LPP: variants seen among roughly 807,000 people sequenced by gnomAD.
LPP encodes the protein LIM domain containing preferred translocation partner in lipoma.
A neutral mutation model predicts 60.4 loss-of-function variants in LPP; 38 were observed. The ratio of observed to expected loss-of-function variants is 0.63; its 90% CI spans 0.49 to 0.83. The LOEUF (loss-of-function observed/expected upper bound fraction) is 0.83. LPP is among the 40% of genes least tolerant of loss of function. The pLI is 0.00. For missense variants in LPP, 902 were observed against 783.6 expected, an observed-to-expected ratio of 1.15 and a Z score of -1.80; for synonymous variants, 328 against 290.8, an observed-to-expected ratio of 1.13 and a Z score of -1.30.
intron 7 of LPP, among the ~76,000 whole-genome samples, chr3:188,706,247 T>G (rs914214451): frequency 1.3e-5 from 2 of 152,168 alleles, no homozygotes; most frequent in Admixed American, 6.5e-5. Flanking sequence ...CCCTGATTTT[T>G]GGGGGGCTCT....
At chr3:188,694,384 C>T (rs538024087) in intron 7 of LPP, among the ~76,000 whole-genome samples, 1 of 152,086 alleles carries the variant, frequency 6.6e-6, no homozygotes, top group Admixed American at 6.6e-5. Context: ...TTTGATGAGT[C>T]AAGTGAATGA....
chr3:188,261,217 T>C (rs1026115704), intron 2 of LPP, among the ~76,000 whole-genome samples: 1 of 152,230 alleles, frequency 6.6e-6, no homozygotes, highest in Non-Finnish European at 1.5e-5. Flanking sequence ...AGCACGATTA[T>C]GGCTCACTGT....
chr3:188,413,226 A>G (rs1288814681), intron 4 of LPP, among the ~76,000 whole-genome samples: 1 of 152,150 alleles, frequency 6.6e-6, no homozygotes, highest in Non-Finnish European at 1.5e-5. Context: ...TTTGCTGCGA[A>G]CGTATGGTCC....
chr3:188,488,473 C>T (rs148566969), intron 5 of LPP, among the ~76,000 whole-genome samples: 5 of 152,206 alleles, frequency 3.3e-5, no homozygotes, highest in African/African-American at 1.2e-4. Context: ...GACACTTCAG[C>T]AATCACTTTA....
At chr3:188,436,048 T>G (rs1792216149) in intron 4 of LPP, among the ~76,000 whole-genome samples, 1 of 152,244 alleles carries the variant, frequency 6.6e-6, no homozygotes. Context: ...AATGCAATTT[T>G]TCATTATAAT....
intron 2 of LPP, among the ~76,000 whole-genome samples, chr3:188,324,149 A>G (rs1757723608): frequency 6.6e-6 from 1 of 152,212 alleles, no homozygotes; most frequent in Non-Finnish European, 1.5e-5. Flanking sequence ...CTAGATAGAT[A>G]GAAACCATGT....
intron 1 of LPP, among the ~76,000 whole-genome samples, chr3:188,162,761 T>C (rs1718681921): frequency 6.6e-6 from 1 of 152,154 alleles, no homozygotes; most frequent in Admixed American, 6.5e-5. Context: ...GGTAATGCAG[T>C]CTGTACATGT....
At chr3:188,705,413 C>G (rs1290160812) in intron 7 of LPP, among the ~76,000 whole-genome samples, 1 of 151,984 alleles carries the variant, frequency 6.6e-6, no homozygotes, top group African/African-American at 2.4e-5. Context: ...GTCCTTGTTC[C>G]TCCTCTCAAA....
chr3:188,482,634 A>G (rs1030871448), intron 4 of LPP, among the ~76,000 whole-genome samples: 2 of 152,120 alleles, frequency 1.3e-5, no homozygotes, highest in Non-Finnish European at 2.9e-5. Context: ...GGACATCAGC[A>G]TTTTCGAATG....
rs763159192 is a variant in LPP, at chr3:188,597,753, T to C, written c.430-11408T>C. ...TGTTTCATTTGATTAAACACTTCTC[T>C]CTTGTATGGAATTTGCCAATAATAC... On this transcript the variant is annotated intron_variant, in intron 6 of 11. Transcript: ENST00000617246. 4.4e-4 allele frequency among the ~76,000 whole-genome samples: 67 copies of C among 152,122 alleles called. 1 individual carries two copies. Among genetic ancestry groups the C allele is most frequent in the Non-Finnish European group, 8.4e-4 (57 of 68,022 alleles).
chr3:188,355,001 T>A (rs1177875161), intron 3 of LPP, among the ~76,000 whole-genome samples: 1 of 152,036 alleles, frequency 6.6e-6, no homozygotes, highest in Non-Finnish European at 1.5e-5. Flanking sequence ...ATATATATAT[T>A]TTTGTTTGTT....
chr3:188,682,540 T>C (rs762262719), intron 7 of LPP, among the ~76,000 whole-genome samples: 2 of 152,162 alleles, frequency 1.3e-5, no homozygotes, highest in African/African-American at 2.4e-5. Flanking sequence ...GGCACCAGCA[T>C]TTGTTATGGT....
intron 9 of LPP, among the ~76,000 whole-genome samples, chr3:188,802,892 C>T (rs990700073): frequency 2.6e-5 from 4 of 152,012 alleles, no homozygotes; most frequent in African/African-American, 9.7e-5. Context: ...TTATAATCCC[C>T]ACCCTAAAAA....
chr3:188,582,850 A>G (rs1048216338), intron 6 of LPP, among the ~76,000 whole-genome samples: 2 of 152,128 alleles, frequency 1.3e-5, no homozygotes, highest in African/African-American at 4.8e-5. Context: ...TTCCCTTATT[A>G]TCAATTTTAC....
intron 8 of LPP, among the ~76,000 whole-genome samples, chr3:188,725,995 G>C (rs1226405438): frequency 1.3e-5 from 2 of 152,136 alleles, no homozygotes; most frequent in Admixed American, 6.6e-5. Flanking sequence ...AAGGAGAAAT[G>C]AGACTAAATG....
At chr3:188,179,495 G>A (rs13096994) in intron 1 of LPP, 73,044 of 457,720 alleles carry the variant, frequency 0.16, 9,204 homozygotes, top group East Asian at 0.45. Context: ...TCTGCGACAC[G>A]CTTGTTTGCC....
chr3:188,734,483 T>C (rs184960832), intron 8 of LPP, among the ~76,000 whole-genome samples: 29 of 152,328 alleles, frequency 1.9e-4, no homozygotes, highest in African/African-American at 6.0e-4. Flanking sequence ...CAGAGTAGCA[T>C]TGGGGTTCCT....
chr3:188,188,816 A>G (rs1043142709), intron 1 of LPP, among the ~76,000 whole-genome samples: 1 of 152,184 alleles, frequency 6.6e-6, no homozygotes, highest in Non-Finnish European at 1.5e-5. Flanking sequence ...TCATCAGGCT[A>G]GCAACATTTA....
chr3:188,644,545 A>G lies in LPP; in HGVS notation c.1113+34701A>G, dbSNP rs992378269. On this transcript the variant is annotated intron_variant, in intron 7 of 11. Transcript: ENST00000617246. Reference sequence around the variant, plus strand: ...AGTATAACAAAAAAGTATATTTTCAATATTGCTGATATGTAATCTAAGAAT... The same window carrying G: ...AGTATAACAAAAAAGTATATTTTCAGTATTGCTGATATGTAATCTAAGAAT... Among the ~76,000 whole-genome samples the G allele has an allele frequency of 1.1e-4, 17 of 152,276 alleles. 1 individual carries two copies. In the East Asian group the frequency reaches 2.9e-3, roughly 26 times the overall value.
Sources: gnomAD v4.1 joint callset for allele counts (sites outside exome capture counted in the v4.1 genomes callset) on GRCh38, gnomAD v4.1.1 for gene constraint, MANE v1.5 for transcripts, NCBI Gene and HGNC (gene_info 2026-07-23, HGNC 2026-07-21) for gene names.